Variants in KANK1 observed in about 807,000 individuals in gnomAD.
KANK1 encodes KN motif and ankyrin repeat domains 1.
In KANK1, 109 loss-of-function variants were observed where a neutral mutation model predicts 106.2. That is an observed-to-expected ratio of 1.03 (90% CI 0.88 to 1.20). The LOEUF (loss-of-function observed/expected upper bound fraction) is 1.20. Ranked by LOEUF, KANK1 falls within the 50% of genes most tolerant of loss-of-function variation. The pLI is 0.00. For synonymous variants in KANK1, 873 were observed against 652.2 expected, an observed-to-expected ratio of 1.34 and a Z score of -5.16; for missense variants, 2,399 against 1,710.7, an observed-to-expected ratio of 1.40 and a Z score of -7.10.
chr9:686,780 C>G lies in KANK1; in HGVS notation c.37+9771C>G, dbSNP rs1045120024. Reference sequence around the variant, plus strand: ...AAGGGATCTGAGTGGGCCCAAGCATCACACACGTGCTGGAGCTGAGTGTTC... The same window carrying G: ...AAGGGATCTGAGTGGGCCCAAGCATGACACACGTGCTGGAGCTGAGTGTTC... On this transcript the variant is annotated intron_variant, in intron 2 of 11. Coordinates refer to ENST00000382297, the MANE Select transcript of KANK1 (RefSeq NM_015158.5). 7 of 985,242 alleles carry G rather than the reference C, an allele frequency of 7.1e-6. No individual in the cohort carries two copies. The African/African-American group carries it at 1.0e-4, about 15-fold the overall frequency. 61.0% of individuals were successfully genotyped at this position (985,242 alleles called of 1,614,324 possible). A position where few individuals can be genotyped will look rare whatever the true frequency, so the allele number is the denominator to read the frequency against.
upstream of KANK1, among the ~76,000 whole-genome samples, chr9:501,181 C>G (rs902439520): frequency 6.6e-6 from 1 of 152,166 alleles, no homozygotes; most frequent in Non-Finnish European, 1.5e-5. Context: ...ACCACCAACT[C>G]TAAAAAGTTC....
intron 1 of KANK1, among the ~76,000 whole-genome samples, chr9:664,922 T>G (rs1379176496): frequency 2.0e-5 from 3 of 152,202 alleles, no homozygotes; most frequent in African/African-American, 7.2e-5. Flanking sequence ...TTCTGGATAA[T>G]TACTGATGTT....
chr9:536,935 C>T (rs1279589682), intron 1 of KANK1, among the ~76,000 whole-genome samples: 1 of 152,124 alleles, frequency 6.6e-6, no homozygotes, highest in African/African-American at 2.4e-5. Context: ...GCATCTGTTC[C>T]ACCTGGCTGG....
chr9:716,530 TG>T (rs1827736085), intron 3 of KANK1, among the ~76,000 whole-genome samples: 2 of 152,088 alleles, frequency 1.3e-5, no homozygotes, highest in South Asian at 2.1e-4. Context: ...TAGATAACAA[TG>T]GGAAACACAA....
At chr9:604,085 G>C (rs1277925539) in intron 1 of KANK1, among the ~76,000 whole-genome samples, 1 of 151,498 alleles carries the variant, frequency 6.6e-6, no homozygotes. Flanking sequence ...AAAAAGTTGG[G>C]GTACCAGTTC....
chr9:646,406 C>T (rs1319647726), intron 1 of KANK1, among the ~76,000 whole-genome samples: 1 of 150,880 alleles, frequency 6.6e-6, no homozygotes, highest in Non-Finnish European at 1.5e-5. Flanking sequence ...GTTTCTTCGT[C>T]TGAAAATAAG....
At chr9:718,767 T>C (rs958804697) in intron 3 of KANK1, among the ~76,000 whole-genome samples, 7 of 152,150 alleles carry the variant, frequency 4.6e-5, no homozygotes, top group African/African-American at 1.7e-4. Context: ...TGTATTAGCA[T>C]TCAGGCTGAG....
chr9:586,817 C>A (rs1263312812), intron 1 of KANK1, among the ~76,000 whole-genome samples: 2 of 152,090 alleles, frequency 1.3e-5, no homozygotes, highest in African/African-American at 2.4e-5. Context: ...GCAAAAGGGA[C>A]TCTTTGCATG....
At chr9:695,723 G>C (rs1821100466) in intron 2 of KANK1, among the ~76,000 whole-genome samples, 1 of 152,082 alleles carries the variant, frequency 6.6e-6, no homozygotes, top group Non-Finnish European at 1.5e-5. Context: ...AGTGACAATA[G>C]AACCCACCCA....
At chr9:690,918 C>T (rs1456549695) in intron 2 of KANK1, among the ~76,000 whole-genome samples, 2 of 152,216 alleles carry the variant, frequency 1.3e-5, no homozygotes, top group Non-Finnish European at 2.9e-5. Flanking sequence ...TCTGGCTACT[C>T]TCCGCCTGTC....
intron 1 of KANK1, among the ~76,000 whole-genome samples, chr9:525,979 T>C (rs555814908): frequency 6.6e-6 from 1 of 151,944 alleles, no homozygotes; most frequent in South Asian, 2.1e-4. Context: ...CCTGAAGCCA[T>C]TGACAAATTA....
At chr9:585,429 G>A (rs969203602) in intron 1 of KANK1, among the ~76,000 whole-genome samples, 4 of 152,134 alleles carry the variant, frequency 2.6e-5, no homozygotes, top group African/African-American at 9.7e-5. Context: ...CATTGATGAT[G>A]GAACAAGCTC....
At chr9:529,974 T>A (rs960302391) in intron 1 of KANK1, among the ~76,000 whole-genome samples, 1 of 152,214 alleles carries the variant, frequency 6.6e-6, no homozygotes, top group African/African-American at 2.4e-5. Context: ...TCTTTACCAA[T>A]CTGTTAAGTA....
At chr9:713,863 A>AAATTGCTATTG (rs1826929824) in intron 3 of KANK1, among the ~76,000 whole-genome samples, 1 of 152,238 alleles carries the variant, frequency 6.6e-6, no homozygotes, top group African/African-American at 2.4e-5. Flanking sequence ...TTAGCAATTG[A>AAATTGCTATTG]AATACTGGCA....
intron 1 of KANK1, among the ~76,000 whole-genome samples, chr9:633,053 A>G (rs530723873): frequency 6.6e-6 from 1 of 152,076 alleles, no homozygotes; most frequent in African/African-American, 2.4e-5. Context: ...CTCCCTCCAC[A>G]TCTTATGAGG....
At chr9:486,067 G>T (rs2058289351) in intron 3 of KANK1, among the ~76,000 whole-genome samples, 1 of 152,084 alleles carries the variant, frequency 6.6e-6, no homozygotes, top group South Asian at 2.1e-4. Context: ...GCAATGGGAT[G>T]AATCTCGCCT....
At chr9:646,850 C>T (rs144703055) in intron 1 of KANK1, among the ~76,000 whole-genome samples, 2,112 of 142,670 alleles carry the variant, frequency 0.015, 212 homozygotes, top group African/African-American at 0.058. Context: ...CATGCCACCA[C>T]GCCTGGCTAA....
intron 6 of KANK1, chr9:734,154 A>C (rs1051046713): frequency 6.6e-6 from 1 of 151,594 alleles, no homozygotes; most frequent in Non-Finnish European, 1.5e-5. Flanking sequence ...GCAAAAAAAA[A>C]TCTCTAAATG....
At chr9:621,760 C>T (rs1477732878) in intron 1 of KANK1, among the ~76,000 whole-genome samples, 4 of 152,068 alleles carry the variant, frequency 2.6e-5, no homozygotes, top group African/African-American at 9.7e-5. Flanking sequence ...TCTCAGTTTC[C>T]AGCCCTGCTT....
Sources: allele counts gnomAD v4.1 joint callset (sites outside exome capture counted in the v4.1 genomes callset), GRCh38; gene constraint gnomAD v4.1.1; transcripts MANE v1.5; gene names NCBI Gene and HGNC (gene_info 2026-07-23, HGNC 2026-07-21).